Variants in SGCD observed in about 807,000 individuals in gnomAD.
SGCD encodes delta-sarcoglycan.
In SGCD, 18 loss-of-function variants were observed where a neutral mutation model predicts 36.6. That is an observed-to-expected ratio of 0.49 (90% CI 0.34 to 0.73). The LOEUF is 0.73. SGCD is among the 30% of genes least tolerant of loss of function. The pLI is 0.01. For missense variants in SGCD, 387 were observed against 346.7 expected, an observed-to-expected ratio of 1.12 and a Z score of -0.92; for synonymous variants, 133 against 130.6, an observed-to-expected ratio of 1.02 and a Z score of -0.12.
chr5:155,869,808 G>A (rs149409170), upstream of SGCD, among the ~76,000 whole-genome samples: 500 of 152,256 alleles, frequency 3.3e-3, 2 homozygotes, highest in African/African-American at 0.012. Flanking sequence ...AGACCAGCCT[G>A]ACCAACATGG....
chr5:156,612,751 C>A (rs1371483866), intron 6 of SGCD, among the ~76,000 whole-genome samples: 1 of 152,110 alleles, frequency 6.6e-6, no homozygotes, highest in African/African-American at 2.4e-5. Flanking sequence ...TGGCTACCAC[C>A]CTCCAGAGCA....
intron 3 of SGCD, among the ~76,000 whole-genome samples, chr5:156,232,903 A>T (rs919615247): frequency 1.3e-5 from 2 of 152,208 alleles, no homozygotes; most frequent in African/African-American, 4.8e-5. Context: ...AAGACTGGAG[A>T]CAAAGATATA....
At chr5:156,138,760 A>C (rs1419605472) in intron 3 of SGCD, among the ~76,000 whole-genome samples, 1 of 152,230 alleles carries the variant, frequency 6.6e-6, no homozygotes, top group African/African-American at 2.4e-5. Flanking sequence ...TAGTTTTAGA[A>C]GGAACCACCA....
chr5:156,146,471 A>G (rs1762712533), intron 3 of SGCD, among the ~76,000 whole-genome samples: 1 of 152,178 alleles, frequency 6.6e-6, no homozygotes, highest in African/African-American at 2.4e-5. Flanking sequence ...GCGGTGAAGG[A>G]AAGGTGGAGG....
chr5:156,538,456 T>C (rs1208906078), intron 4 of SGCD, among the ~76,000 whole-genome samples: 2 of 152,120 alleles, frequency 1.3e-5, no homozygotes, highest in African/African-American at 2.4e-5. Context: ...GCCTGTAAGT[T>C]TGCAGCCATC....
At chr5:156,247,025 C>G (rs1765456573) in intron 3 of SGCD, among the ~76,000 whole-genome samples, 1 of 152,186 alleles carries the variant, frequency 6.6e-6, no homozygotes, top group Non-Finnish European at 1.5e-5. Flanking sequence ...ACCAATGGGC[C>G]TCTTTTCATT....
intron 1 of SGCD, among the ~76,000 whole-genome samples, chr5:156,089,700 T>TGGGA (rs1356193916): frequency 6.6e-6 from 1 of 152,102 alleles, no homozygotes; most frequent in Non-Finnish European, 1.5e-5. Flanking sequence ...CCCTAGTGGG[T>TGGGA]GGGAGGGTAG....
chr5:156,084,700 G>A (rs1761052430), intron 1 of SGCD, among the ~76,000 whole-genome samples: 1 of 152,122 alleles, frequency 6.6e-6, no homozygotes, highest in Admixed American at 6.5e-5. Flanking sequence ...TACTTGCCTT[G>A]TTGTGCTGAC....
chr5:156,112,939 T>C (rs980794424), intron 1 of SGCD, among the ~76,000 whole-genome samples: 1 of 152,212 alleles, frequency 6.6e-6, no homozygotes, highest in African/African-American at 2.4e-5. Context: ...ATTTAATCTT[T>C]CTGGTTTCTA....
At chr5:156,112,953 T>C (rs916684306) in intron 1 of SGCD, among the ~76,000 whole-genome samples, 7 of 152,238 alleles carry the variant, frequency 4.6e-5, no homozygotes, top group African/African-American at 1.7e-4. Flanking sequence ...GTTTCTAATG[T>C]GATTTCAATG....
rs577596451 is a variant in SGCD, at chr5:156,161,645, C to T, written c.-44+37626C>T. Among the ~76,000 whole-genome samples the T allele has an allele frequency of 7.9e-5, 12 of 151,946 alleles. No homozygotes were observed. The South Asian group carries it at 2.5e-3, about 31-fold the overall frequency. On this transcript the variant is annotated intron_variant, in intron 3 of 9. Coordinates refer to the SGCD transcript ENST00000517913. ...GTTAACTTCTTAGTCACTGCTTATA[C>T]TTTCTAATTCTACTGTAAAACAAGA...
At chr5:156,438,629 T>C (rs1198448925) in intron 3 of SGCD, among the ~76,000 whole-genome samples, 2 of 152,158 alleles carry the variant, frequency 1.3e-5, no homozygotes, top group Admixed American at 1.3e-4. Context: ...GTACCTGTAA[T>C]CTCTATTACA....
At chr5:155,770,719 T>C in the SGCD span, among the ~76,000 whole-genome samples, 1 of 152,162 alleles carries the variant, frequency 6.6e-6, no homozygotes, top group Non-Finnish European at 1.5e-5. Context: ...CAGTAAGTAC[T>C]TGTTGCATTA....
intron 1 of SGCD, among the ~76,000 whole-genome samples, chr5:155,928,666 CAAAAAAAAAAAAA>C (rs58548934): frequency 2.9e-5 from 2 of 68,214 alleles, no homozygotes; most frequent in Non-Finnish European, 5.1e-5. Context: ...GACTCTGTCT[CAAAAAAAAAAAAA>C]AAAAAAAAAG....
At chr5:155,745,016 A>G in the SGCD span, among the ~76,000 whole-genome samples, 1 of 152,246 alleles carries the variant, frequency 6.6e-6, no homozygotes, top group African/African-American at 2.4e-5. Context: ...CAAAGGAACC[A>G]TGAGTAATAC....
chr5:155,799,729 T>C, the SGCD span, among the ~76,000 whole-genome samples: 1 of 144,690 alleles, frequency 6.9e-6, no homozygotes, highest in Non-Finnish European at 1.5e-5. Flanking sequence ...TTTTATTTCC[T>C]TTTTTTTTTT....
intron 4 of SGCD, among the ~76,000 whole-genome samples, chr5:156,535,410 C>T (rs1020278550): frequency 3.9e-5 from 6 of 152,158 alleles, no homozygotes; most frequent in African/African-American, 1.2e-4. Context: ...ATGTTAGCAA[C>T]GTTTAATGAA....
chr5:156,390,407 T>A (rs1771501384), intron 3 of SGCD, among the ~76,000 whole-genome samples: 1 of 152,182 alleles, frequency 6.6e-6, no homozygotes, highest in South Asian at 2.1e-4. Context: ...GGCTAATGTG[T>A]GTGTCTGTAT....
intron 3 of SGCD, among the ~76,000 whole-genome samples, chr5:156,181,137 A>T (rs1386392159): frequency 6.6e-6 from 1 of 152,214 alleles, no homozygotes; most frequent in Non-Finnish European, 1.5e-5. Context: ...TCTGAAGCTT[A>T]TTTCTGAGGC....
Sources: gnomAD v4.1 joint callset for allele counts (sites outside exome capture counted in the v4.1 genomes callset) on GRCh38, gnomAD v4.1.1 for gene constraint, MANE v1.5 for transcripts, NCBI Gene and HGNC (gene_info 2026-07-23, HGNC 2026-07-21) for gene names.